The following PTCD1 variants were observed in gnomAD, a reference collection of about 807,000 sequenced individuals.
The protein encoded by PTCD1 is pentatricopeptide repeat-containing protein 1, mitochondrial.
PTCD1 carries 50 observed loss-of-function variants against 53.4 expected under a neutral mutation model. That is an observed-to-expected ratio of 0.94 (90% CI 0.75 to 1.19). PTCD1 has a LOEUF of 1.19. Ranked by LOEUF, PTCD1 falls within the 50% of genes most tolerant of loss-of-function variation. The probability of loss-of-function intolerance (pLI) is 0.00; values close to 1 mark genes in which losing one functional copy is unlikely to be tolerated. For missense variants in PTCD1, 918 were observed against 904.8 expected (o/e 1.01, Z -0.19); for synonymous variants, 413 against 394.8 (o/e 1.05, Z -0.55).
rs1795718336 is a variant in PTCD1, at chr7:99,419,801, A to C, written c.*166T>G. ...AGCTGCACTTGGACCTGCTGGGAGC[A>C]CAGGCACCTTGGGCCTAGTGTGTGT... On this transcript the variant is annotated 3_prime_UTR_variant, in exon 8 of 8. Transcript: ENST00000292478. The C allele has an allele frequency of 2.5e-6, 3 of 1,185,226 alleles. No homozygotes were observed. The highest frequency in any genetic ancestry group is 2.3e-5 in the Admixed American group (1 of 43,792). 73.4% of individuals were successfully genotyped at this position (1,185,226 alleles called of 1,614,324 possible). A position where few individuals can be genotyped will look rare whatever the true frequency, so the allele number is the denominator to read the frequency against.
chr7:99,434,952 G>A lies in PTCD1; in HGVS notation c.291C>T (p.Ser97=), dbSNP rs1392101112. ...ESFGTLSDKY[S]SRRLFRKSAA... is the part of the protein sequence containing the mutation. ...CGGATTTGCGGAATAGTCTCCGGGA[G>A]GAGTATTTGTCAGAGAGGGTCCCAA... The change falls in exon 2 of 8, where the codon TCC becomes TCT. Residue 97 remains serine, a synonymous_variant. Transcript: ENST00000292478. The A allele has an allele frequency of 1.2e-6, 2 of 1,614,110 alleles. No homozygotes were observed. The highest frequency in any genetic ancestry group is 1.7e-6 in the Non-Finnish European group (2 of 1,180,056).
chr7:99,433,465 AC>A, intron 2 of PTCD1, 47 bp from the exon 3 acceptor site: 2 of 1,613,318 alleles, frequency 1.2e-6, no homozygotes, highest in Non-Finnish European at 1.7e-6. Context: ...GGCCCCAGAG[AC>A]CCTCAGCAGA....
In PTCD1 at chr7:99,433,332, A is replaced by C; in HGVS notation, c.540T>G (p.Ile180Met). ...GGTAGCCAACCCGCCCGCAGCCCCC[A>C]ATCAGCACCGTGTAGTTGCTCTCCA... is the stretch of plus-strand genomic sequence containing the variant. ...QPMESNYTVL[I>M]GGCGRVGYLK... Residue 180 changes from isoleucine to methionine, a missense_variant, in exon 3 of 8, where the codon ATT (isoleucine) becomes ATG (methionine). Physicochemically the swap from Ile to Met is conservative, Grantham distance 10. Transcript: ENST00000292478. 4 of 1,614,120 alleles carry C rather than the reference A, an allele frequency of 2.5e-6. No homozygotes were observed. In the South Asian group the frequency reaches 4.4e-5, roughly 18 times the overall value.
In PTCD1 at chr7:99,433,265, C is replaced by A. The variant is rs376694075; in HGVS notation, c.594+13G>T. On this transcript the variant is annotated intron_variant, in intron 3 of 7. Transcript: ENST00000292478. ...TCAGAGCCTCACCCCGGCTGCCCTG[C>A]GCCCACATGCACCTGGTTGTAGAGG... is the stretch of plus-strand genomic sequence containing the variant. 9.3e-6 allele frequency: 15 copies of A among 1,614,182 alleles called. No individual in the cohort carries two copies. Among genetic ancestry groups the A allele is most frequent in the South Asian group, 3.3e-5 (3 of 91,090 alleles).
At chr7:99,427,354 G>GGT (rs1796084902) in intron 5 of PTCD1, among the ~76,000 whole-genome samples, 1 of 140,680 alleles carries the variant, frequency 7.1e-6, no homozygotes, top group African/African-American at 2.6e-5. Flanking sequence ...GGAGGGAGGT[G>GGT]GGGGGTCAGC....
chr7:99,437,304 A>G (rs1238682471), intron 1 of PTCD1, among the ~76,000 whole-genome samples: 1 of 151,940 alleles, frequency 6.6e-6, no homozygotes, highest in East Asian at 1.9e-4. Context: ...ACAAGACCCT[A>G]TCATAATTTC....
Position 99,432,464 on chromosome 7 carries a change from G to C in PTCD1, c.594+814C>G, listed in dbSNP as rs115134213. Among the ~76,000 whole-genome samples the C allele has an allele frequency of 7.6e-3, 1,159 of 152,254 alleles. 5 individuals carry two copies. The highest frequency in any genetic ancestry group is 0.026 in the African/African-American group (1,081 of 41,532). On this transcript the variant is annotated intron_variant, in intron 3 of 7. Transcript: ENST00000292478. ...ACTTATTTATGACACAGAGACCTTT[G>C]CTCACATATTTTCCTGCTGACCCTC... is the stretch of plus-strand genomic sequence containing the variant.
rs772779699 is a variant in PTCD1 at position 99,423,850 on chromosome 7, C to G, written c.1845G>C (p.Gln615His). 24 of 1,614,210 alleles carry G rather than the reference C, an allele frequency of 1.5e-5. No homozygotes were observed. In the Admixed American group the frequency reaches 3.7e-4, roughly 25 times the overall value. Residue 615 changes from glutamine (Q) to histidine (H), a missense_variant, in exon 7 of 8, where the codon CAG (glutamine) becomes CAC (histidine). Transcript: ENST00000292478. The part of the protein sequence containing the change: ...YLISILKDMK[Q>H]NRVPVNEVVI... ...CCACTTCGTTCACCGGGACCCTGTT[C>G]TGCTTCATGTCCTTCAAGATGCTGA...
rs1459042479 is a variant in PTCD1 at position 99,417,554 on chromosome 7, A to G, written c.*2413T>C. The G allele has an allele frequency of 1.2e-6, 2 of 1,612,466 alleles. No homozygotes were observed. The highest frequency in any genetic ancestry group is 1.7e-6 in the Non-Finnish European group (2 of 1,178,916). ...TCAGACACGGGACACCAACTTCGGG[A>G]CGAACTGCATCTGCCGCGTGCCCAA... On this transcript the variant is annotated 3_prime_UTR_variant, in exon 8 of 8. Transcript: ENST00000292478.
chr7:99,421,077 T>C (rs567710012), intron 7 of PTCD1, among the ~76,000 whole-genome samples: 1 of 152,072 alleles, frequency 6.6e-6, no homozygotes, highest in South Asian at 2.1e-4. Flanking sequence ...AAGTCCACCA[T>C]CATGAGGGAA....
chr7:99,438,211 G>A (rs905234631), intron 1 of PTCD1, among the ~76,000 whole-genome samples: 1 of 152,116 alleles, frequency 6.6e-6, no homozygotes, highest in Non-Finnish European at 1.5e-5. Flanking sequence ...ATCGCTTTGG[G>A]CTTGGGGCCA....
Position 99,429,812 on chromosome 7 carries a change from G to T in PTCD1, c.595-6C>A. On this transcript the variant is annotated splice_region_variant and splice_polypyrimidine_tract_variant and intron_variant, in intron 3 of 7. Coordinates refer to ENST00000292478, the MANE Select transcript of PTCD1 (RefSeq NM_015545.4). ...TCCAGGTCCCGCTTTTTCATCTGTG[G>T]AGATGGAAGAAGCTCAGTGGTGGCC... 6.2e-7 allele frequency: 1 copy of T among 1,613,940 alleles called. No individual in the cohort carries two copies. The highest frequency in any genetic ancestry group is 1.1e-5 in the South Asian group (1 of 91,054).
At chr7:99,433,560 G>A in intron 2 of PTCD1, 142 bp from the exon 3 acceptor site, 6 of 1,520,816 alleles carry the variant, frequency 3.9e-6, no homozygotes, top group Non-Finnish European at 5.3e-6. Flanking sequence ...TGGGCCCCCA[G>A]CTGTTTCTGC....
intron 3 of PTCD1, 50 bp from the exon 4 acceptor site, chr7:99,429,856 C>G (rs1418250925): frequency 6.2e-7 from 1 of 1,605,824 alleles, no homozygotes; most frequent in East Asian, 2.2e-5. Flanking sequence ...GCTGGACGCA[C>G]AGGTGAGCAG....
chr7:99,426,901 G>C (rs1175659841), intron 5 of PTCD1, among the ~76,000 whole-genome samples: 2 of 149,238 alleles, frequency 1.3e-5, no homozygotes, highest in African/African-American at 5.0e-5. Context: ...GTCTCTGCCC[G>C]GCCGCCCCGT....
chr7:99,435,103 C>G lies in PTCD1; in HGVS notation c.140G>C (p.Ser47Thr). Residue 47 changes from serine (S) to threonine (T), a missense_variant, in exon 2 of 8, where the codon AGC (serine) becomes ACC (threonine). Physicochemically the swap from Ser to Thr is moderately conservative, Grantham distance 58 (BLOSUM62 1). Coordinates refer to ENST00000292478, the MANE Select transcript of PTCD1 (RefSeq NM_015545.4). ...GLMRPMWAPF[S>T]SSSSQLPLGQ... ...GAGGGGCAGCTGAGAGGAGGAGCTG[C>G]TGAAGGGCGCCCACATTGGCCGCAT... The G allele has an allele frequency of 6.2e-7, 1 of 1,606,568 alleles. No homozygotes were observed. The highest frequency in any genetic ancestry group is 8.5e-7 in the Non-Finnish European group (1 of 1,177,324).
intron 3 of PTCD1, among the ~76,000 whole-genome samples, chr7:99,430,627 G>A (rs189500478): frequency 1.1e-3 from 166 of 152,336 alleles, no homozygotes; most frequent in Admixed American, 5.6e-3. Flanking sequence ...TGAGGATGAT[G>A]TAAGCTCTGC....
In PTCD1 at chr7:99,434,848, C is replaced by T. The variant is rs138669812; in HGVS notation, c.395G>A (p.Arg132Gln). Residue 132 changes from arginine (R) to glutamine (Q), a missense_variant, in exon 2 of 8, where the codon CGG becomes CAG. Arg to Gln is a conservative substitution (Grantham distance 43). Transcript: ENST00000292478. ...MEPEPKLWRG[R>Q]RNTPYWYFLQ... ...GAAGTACCAGTACGGGGTGTTTCTC[C>T]GGCCTCGCCATAATTTGGGCTCCGG... 6.8e-5 allele frequency: 110 copies of T among 1,614,174 alleles called. 1 individual carries two copies. In the African/African-American group the frequency reaches 1.2e-3, roughly 18 times the overall value.
Position 99,424,770 on chromosome 7 carries a change from C to T in PTCD1, c.1737+25G>A, listed in dbSNP as rs1795953124. ...GAGTGCTCCTGAGCACCATGGGTGT[C>T]CTGCCCAGGCCCGAGTCCACTCACC... On this transcript the variant is annotated intron_variant, in intron 6 of 7. Transcript: ENST00000292478. 3 of 1,613,258 alleles carry T rather than the reference C, an allele frequency of 1.9e-6. No individual in the cohort carries two copies. The East Asian group carries it at 6.7e-5, about 36-fold the overall frequency.
Sources: allele counts gnomAD v4.1 joint callset (sites outside exome capture counted in the v4.1 genomes callset), GRCh38; gene constraint gnomAD v4.1.1; transcripts MANE v1.5; gene names NCBI Gene and HGNC (gene_info 2026-07-23, HGNC 2026-07-21).